MAST4: variants seen among roughly 807,000 people sequenced by gnomAD.
MAST4 encodes microtubule-associated serine/threonine-protein kinase 4.
MAST4 carries 89 observed loss-of-function variants against 162.7 expected under a neutral mutation model. That is an observed-to-expected ratio of 0.55 (90% confidence interval 0.46 to 0.65). MAST4 has a LOEUF of 0.65. MAST4 is among the 30% of genes least tolerant of loss of function. The pLI, the probability that MAST4 is intolerant of heterozygous loss-of-function variation, is 0.00. For missense variants in MAST4, 3,153 were observed against 3,374.0 expected (o/e 0.93, Z 1.62); for synonymous variants, 1,479 against 1,361.1 (o/e 1.09, Z -1.91).
intron 1 of MAST4, among the ~76,000 whole-genome samples, chr5:66,613,442 A>G (rs1425693930): frequency 6.6e-6 from 1 of 151,954 alleles, no homozygotes. Context: ...TTTTGGCCCA[A>G]TTAGAATTTC....
intron 13 of MAST4, among the ~76,000 whole-genome samples, chr5:67,119,834 G>A (rs1053656486): frequency 1.3e-5 from 2 of 152,120 alleles, no homozygotes; most frequent in South Asian, 2.1e-4. Context: ...GAGATCACTC[G>A]TGTAGGGAAG....
intron 10 of MAST4, among the ~76,000 whole-genome samples, chr5:67,107,853 C>A (rs1765768564): frequency 6.6e-6 from 1 of 152,196 alleles, no homozygotes; most frequent in Non-Finnish European, 1.5e-5. Context: ...ATAGGAAGCT[C>A]TAACCTACTC....
chr5:66,930,930 C>T (rs1742126002), intron 4 of MAST4: 1 of 284,612 alleles, frequency 3.5e-6, no homozygotes, highest in South Asian at 3.4e-5. Flanking sequence ...CTTCCAGCTG[C>T]GTAGGGTAAA....
chr5:67,104,506 C>G lies in MAST4; in HGVS notation c.1287C>G (p.Ser429=), dbSNP rs1367624378. The G allele has an allele frequency of 6.2e-7, 1 of 1,613,834 alleles. No individual in the cohort carries two copies. The highest frequency in any genetic ancestry group is 8.5e-7 in the Non-Finnish European group (1 of 1,179,828). Residue 429 remains serine (S), a synonymous_variant, in exon 10 of 29, where the codon TCC becomes TCG. Transcript: ENST00000403625. ...TGGCTCGAGATTGCTTGGATAAATC[C>G]CACCAGGGCCTCATCACCTCACGAT... ...IELARDCLDK[S]HQGLITSRYF... is the part of the protein sequence containing the mutation.
chr5:66,746,345 C>T (rs1170092422), intron 1 of MAST4, among the ~76,000 whole-genome samples: 1 of 152,116 alleles, frequency 6.6e-6, no homozygotes, highest in African/African-American at 2.4e-5. Flanking sequence ...GGGCACCTTG[C>T]CACAGTGAGC....
At chr5:66,633,063 A>G (rs1357806448) in intron 1 of MAST4, among the ~76,000 whole-genome samples, 1 of 152,208 alleles carries the variant, frequency 6.6e-6, no homozygotes, top group African/African-American at 2.4e-5. Context: ...GGGATGCTTT[A>G]GAAAAATGCA....
intron 19 of MAST4, among the ~76,000 whole-genome samples, chr5:67,137,382 A>G (rs1769798979): frequency 6.6e-6 from 1 of 152,196 alleles, no homozygotes; most frequent in African/African-American, 2.4e-5. Flanking sequence ...ATGTGAATTT[A>G]TGTAGATGAG....
At chr5:66,760,400 C>T (rs901353864) in intron 2 of MAST4, among the ~76,000 whole-genome samples, 1 of 152,052 alleles carries the variant, frequency 6.6e-6, no homozygotes, top group African/African-American at 2.4e-5. Context: ...AGGTGTGAGC[C>T]ACCGCACCCG....
intron 3 of MAST4, among the ~76,000 whole-genome samples, chr5:66,837,917 T>TTTA (rs1758139144): frequency 8.1e-6 from 1 of 123,362 alleles, no homozygotes; most frequent in Non-Finnish European, 1.7e-5. Flanking sequence ...TTTTTTTTTT[T>TTTA]AATGTGGAGG....
chr5:66,926,275 C>T (rs556280002), intron 4 of MAST4, among the ~76,000 whole-genome samples: 23 of 152,216 alleles, frequency 1.5e-4, no homozygotes, highest in Admixed American at 6.5e-4. Context: ...TGGCTGGGCG[C>T]GGTGGCTCAT....
intron 1 of MAST4, among the ~76,000 whole-genome samples, chr5:66,650,733 C>A (rs1470886198): frequency 6.6e-6 from 1 of 152,178 alleles, no homozygotes; most frequent in Non-Finnish European, 1.5e-5. Flanking sequence ...TCTAATACAG[C>A]AGTACTCCAG....
At chr5:66,860,038 T>G (rs1042395687) in intron 3 of MAST4, among the ~76,000 whole-genome samples, 1 of 152,250 alleles carries the variant, frequency 6.6e-6, no homozygotes, top group East Asian at 1.9e-4. Context: ...TGATTTGATA[T>G]ATTTTATTAA....
chr5:66,906,371 A>G (rs1300429395), intron 4 of MAST4, among the ~76,000 whole-genome samples: 1 of 152,140 alleles, frequency 6.6e-6, no homozygotes, highest in East Asian at 1.9e-4. Flanking sequence ...TATTTGGTTG[A>G]CATGTTTTTA....
intron 4 of MAST4, among the ~76,000 whole-genome samples, chr5:67,012,935 A>G (rs1752868184): frequency 6.6e-6 from 1 of 152,228 alleles, no homozygotes; most frequent in Admixed American, 6.5e-5. Flanking sequence ...AAAAAAGACC[A>G]TAGCAGAGAA....
intron 3 of MAST4, among the ~76,000 whole-genome samples, chr5:66,828,157 C>G (rs1319679806): frequency 2.0e-5 from 3 of 152,156 alleles, no homozygotes; most frequent in Admixed American, 6.5e-5. Flanking sequence ...CTGTTTCTGT[C>G]TTTGAGCTAG....
intron 5 of MAST4, among the ~76,000 whole-genome samples, chr5:67,087,567 C>T (rs540292412): frequency 1.3e-5 from 2 of 152,246 alleles, no homozygotes; most frequent in South Asian, 4.1e-4. Flanking sequence ...TTCCTGAAGT[C>T]ACCTTCTGTT....
rs779632054 is a variant in MAST4 at position 67,145,279 on chromosome 5, T to C, written c.2994T>C (p.His998=). Residue 998 remains histidine, a synonymous_variant, in exon 23 of 29, where the codon CAT becomes CAC. Coordinates refer to ENST00000403625, the MANE Select transcript of MAST4 (RefSeq NM_001164664.2). The stretch of plus-strand genomic sequence containing the variant: ...CTGCCTCCTGCCCTGGAGACCCCCA[T>C]GAGGAGCCAGGAAAGCCAGCCCTTC... ...DEAASCPGDP[H]EEPGKPALPP... is the part of the protein sequence containing the mutation. 3 of 1,613,852 alleles carry C rather than the reference T, an allele frequency of 1.9e-6. No individual in the cohort carries two copies. The Admixed American group carries it at 5.0e-5, about 27-fold the overall frequency.
intron 4 of MAST4, among the ~76,000 whole-genome samples, chr5:66,973,302 T>TA (rs1341281681): frequency 6.6e-6 from 1 of 152,108 alleles, no homozygotes; most frequent in Non-Finnish European, 1.5e-5. Flanking sequence ...TTTTTTTTTT[T>TA]ATGTCAGAAT....
At chr5:66,689,414 A>G (rs1409192829) in intron 1 of MAST4, among the ~76,000 whole-genome samples, 1 of 152,096 alleles carries the variant, frequency 6.6e-6, no homozygotes, top group East Asian at 1.9e-4. Context: ...CTCATCCACA[A>G]TTTAGTGCTT....
Sources: gnomAD v4.1 joint callset for allele counts (sites outside exome capture counted in the v4.1 genomes callset) on GRCh38, gnomAD v4.1.1 for gene constraint, MANE v1.5 for transcripts, NCBI Gene and HGNC (gene_info 2026-07-23, HGNC 2026-07-21) for gene names.